MPRIP: variants seen among roughly 807,000 people sequenced by gnomAD.
MPRIP encodes the protein myosin phosphatase Rho-interacting protein.
In MPRIP, 59 loss-of-function variants were observed where a neutral mutation model predicts 234.9. The ratio of observed to expected loss-of-function variants is 0.25; its 90% confidence interval spans 0.20 to 0.31. MPRIP has a LOEUF of 0.31. MPRIP is among the 10% of genes least tolerant of loss of function. The pLI is 1.00. For synonymous variants in MPRIP, 1,144 were observed against 1,263.9 expected (o/e 0.91, Z 2.01); for missense variants, 2,436 against 3,071.0 (o/e 0.79, Z 4.89).
chr17:17,116,594 A>G (rs750242536), intron 3 of MPRIP, among the ~76,000 whole-genome samples: 1 of 152,206 alleles, frequency 6.6e-6, no homozygotes, highest in African/African-American at 2.4e-5. Context: ...ACTGTGTACC[A>G]GGTGTTCCCA....
intron 1 of MPRIP, among the ~76,000 whole-genome samples, chr17:17,049,825 G>T (rs1345382307): frequency 1.3e-5 from 2 of 152,194 alleles, no homozygotes; most frequent in African/African-American, 4.8e-5. Flanking sequence ...CCTCAGACCA[G>T]CCCTGTCCTC....
chr17:17,091,103 G>A (rs938659718), intron 3 of MPRIP, among the ~76,000 whole-genome samples: 2 of 150,626 alleles, frequency 1.3e-5, no homozygotes, highest in South Asian at 2.1e-4. Flanking sequence ...GTTGGGGAGG[G>A]GGTGGGGTTT....
chr17:17,061,006 G>C (rs757662270), intron 1 of MPRIP, among the ~76,000 whole-genome samples: 6 of 152,192 alleles, frequency 3.9e-5, no homozygotes, highest in Non-Finnish European at 7.3e-5. Flanking sequence ...GTCGGCCCTG[G>C]CAGGCTTGTT....
chr17:17,107,638 G>A (rs1198955789), intron 3 of MPRIP, among the ~76,000 whole-genome samples: 1 of 152,200 alleles, frequency 6.6e-6, no homozygotes, highest in South Asian at 2.1e-4. Context: ...GCCCAGGCTG[G>A]TCCTGCACAT....
At chr17:17,163,882 G>A (rs975033056) in intron 15 of MPRIP, among the ~76,000 whole-genome samples, 2 of 145,558 alleles carry the variant, frequency 1.4e-5, no homozygotes, top group Admixed American at 1.4e-4. Context: ...GCTGTTTTCT[G>A]ATGTTATTGT....
At chr17:17,056,759 C>T (rs916983780) in intron 1 of MPRIP, among the ~76,000 whole-genome samples, 7 of 152,150 alleles carry the variant, frequency 4.6e-5, no homozygotes, top group African/African-American at 1.7e-4. Flanking sequence ...GAACCCCCCA[C>T]CTTAACTATT....
intron 7 of MPRIP, among the ~76,000 whole-genome samples, chr17:17,140,627 G>T (rs990980605): frequency 1.3e-5 from 2 of 152,192 alleles, no homozygotes; most frequent in Non-Finnish European, 2.9e-5. Flanking sequence ...GAGCCAGACT[G>T]CTGGGACCAC....
intron 3 of MPRIP, among the ~76,000 whole-genome samples, chr17:17,087,979 G>A (rs1278831497): frequency 6.6e-6 from 1 of 152,220 alleles, no homozygotes; most frequent in African/African-American, 2.4e-5. Context: ...TTAGCTGCCA[G>A]CCTGTGTTCA....
chr17:17,189,710 G>T lies in MPRIP; in HGVS notation c.*4816G>T, dbSNP rs1365685986. On this transcript the variant is annotated 3_prime_UTR_variant, in exon 24 of 24. Transcript: ENST00000651222. ...CATGAGATAAAAGTCCTGGCTAGGG[G>T]AGCCATAGGTCTGTTGTACAAGGAA... is the stretch of plus-strand genomic sequence containing the variant. 1 of 152,308 alleles carries T rather than the reference G, an allele frequency of 6.6e-6. No homozygotes were observed. Among genetic ancestry groups the T allele is most frequent in the Middle Eastern group, 3.4e-3 (1 of 294 alleles). 9.4% of individuals were successfully genotyped at this position (152,308 alleles called of 1,614,324 possible). A position where few individuals can be genotyped will look rare whatever the true frequency, so the allele number is the denominator to read the frequency against.
chr17:17,138,298 C>T lies in MPRIP; in HGVS notation c.1119C>T (p.Ala373=), dbSNP rs1199878491. ...CCAGCAGGCAATATGCCACCCTGGC[C>T]GACGTCCCTAAGGCCATCAGGATCA... ...FKASRQYATL[A]DVPKAIRISH... The change falls in exon 7 of 24, where the codon GCC becomes GCT. Residue 373 remains alanine, a synonymous_variant. Transcript: ENST00000651222. The surrounding 1 kb of genome is among the most constrained non-coding windows in gnomAD (Gnocchi z 5.8). 5 of 448,860 alleles carry T rather than the reference C, an allele frequency of 1.1e-5. No homozygotes were observed. Among genetic ancestry groups the T allele is most frequent in the South Asian group, 4.4e-5 (1 of 22,566 alleles). The allele number at this position is 448,860 out of a possible 1,614,324, so 27.8% of individuals were successfully genotyped here.
chr17:17,127,715 G>C (rs940150865), intron 4 of MPRIP, among the ~76,000 whole-genome samples: 7 of 152,248 alleles, frequency 4.6e-5, no homozygotes. Context: ...CCTGGGGCTT[G>C]CTGGGCCAGG....
chr17:17,092,016 G>A (rs2089730481), intron 3 of MPRIP, among the ~76,000 whole-genome samples: 1 of 152,238 alleles, frequency 6.6e-6, no homozygotes, highest in Non-Finnish European at 1.5e-5. Flanking sequence ...CACACTAGAG[G>A]AGGGTGCTGG....
At chr17:17,051,853 G>C (rs1260181390) in intron 1 of MPRIP, among the ~76,000 whole-genome samples, 1 of 152,214 alleles carries the variant, frequency 6.6e-6, no homozygotes, top group African/African-American at 2.4e-5. Flanking sequence ...TTTTTGCCTG[G>C]AGCCTGTAAC....
rs1239270660 is a variant in MPRIP, at chr17:17,166,183, G to A, written c.4592G>A (p.Arg1531His). The change falls in exon 16 of 24, where the codon CGT becomes CAT. Residue 1531 changes from arginine (R) to histidine (H), a missense_variant. Transcript: ENST00000651222. The surrounding 1 kb of genome is among the most constrained non-coding windows in gnomAD (Gnocchi z 4.4). ...CCGGCCCCAGCCCATGGCGGGGCCC[G>A]TGCACAGCTGGAGACAGGTGGCACC... Reference protein sequence around the residue: ...HWPAPAHGGARAQLETGGTEE... With the variant: ...HWPAPAHGGAHAQLETGGTEE... 13 of 1,302,840 alleles carry A rather than the reference G, an allele frequency of 1.0e-5. No individual in the cohort carries two copies. The highest frequency in any genetic ancestry group is 2.3e-5 in the Admixed American group (1 of 43,478). The allele number at this position is 1,302,840 out of a possible 1,614,324, so 80.7% of individuals were successfully genotyped here. A position where few individuals can be genotyped will look rare whatever the true frequency, so the allele number is the denominator to read the frequency against.
intron 1 of MPRIP, among the ~76,000 whole-genome samples, chr17:17,066,038 T>G (rs2089014623): frequency 1.3e-5 from 2 of 152,220 alleles, no homozygotes; most frequent in African/African-American, 4.8e-5. Context: ...TTCTAGGAGT[T>G]TTTTGTAGAT....
At chr17:17,113,615 A>G (rs2090217061) in intron 3 of MPRIP, among the ~76,000 whole-genome samples, 1 of 152,228 alleles carries the variant, frequency 6.6e-6, no homozygotes, top group African/African-American at 2.4e-5. Flanking sequence ...GTGGGTGTAC[A>G]AATATCTGTT....
At chr17:17,148,951 T>A (rs1390491872) in intron 11 of MPRIP, among the ~76,000 whole-genome samples, 1 of 152,192 alleles carries the variant, frequency 6.6e-6, no homozygotes, top group African/African-American at 2.4e-5. Context: ...CCTGATGAAA[T>A]AGGTGGTGGT....
chr17:17,173,406 C>T (rs551946639), intron 18 of MPRIP, among the ~76,000 whole-genome samples: 23 of 152,324 alleles, frequency 1.5e-4, no homozygotes, highest in African/African-American at 5.5e-4. Context: ...GTCAGCAGCA[C>T]CCTGTAGAGG....
intron 18 of MPRIP, 26 bp downstream of exon 18, chr17:17,172,841 C>A: frequency 6.3e-7 from 1 of 1,590,692 alleles, no homozygotes; most frequent in Non-Finnish European, 8.6e-7. Context: ...TGCCCATCTG[C>A]CCTTGGGAGG....
Sources: allele counts gnomAD v4.1 joint callset (sites outside exome capture counted in the v4.1 genomes callset), GRCh38; gene constraint gnomAD v4.1.1; non-coding constraint Gnocchi (gnomAD v3.1); transcripts MANE v1.5; gene names NCBI Gene and HGNC (gene_info 2026-07-23, HGNC 2026-07-21).